The following LYPLAL1 variants were observed in gnomAD, a reference collection of about 807,000 sequenced individuals.
LYPLAL1 encodes lysophospholipase like 1, also known as lysophospholipase-like protein 1.
LYPLAL1 carries 23 observed loss-of-function variants against 19.7 expected under a neutral mutation model. The observed-to-expected ratio is 1.17, with a 90% confidence interval of 0.84 to 1.65. The LOEUF (loss-of-function observed/expected upper bound fraction) is 1.65, where lower values mean the gene tolerates loss of function less well. LYPLAL1 is among the 40% of genes most tolerant of loss of function. The pLI, the probability that LYPLAL1 is intolerant of heterozygous loss-of-function variation, is 0.00. For synonymous variants in LYPLAL1, 119 were observed against 96.3 expected, an observed-to-expected ratio of 1.24 and a Z score of -1.38; for missense variants, 355 against 279.4, an observed-to-expected ratio of 1.27 and a Z score of -1.93.
the LYPLAL1 span, among the ~76,000 whole-genome samples, chr1:219,289,987 C>T: frequency 6.6e-6 from 1 of 152,126 alleles, no homozygotes; most frequent in Non-Finnish European, 1.5e-5. Flanking sequence ...TCCTCTAAAT[C>T]CAGATAACCT....
At chr1:219,279,449 T>C in the LYPLAL1 span, among the ~76,000 whole-genome samples, 7 of 152,178 alleles carry the variant, frequency 4.6e-5, no homozygotes, top group Non-Finnish European at 1.0e-4. Flanking sequence ...TGTAAGGACA[T>C]TGGATGAAAA....
the LYPLAL1 span, among the ~76,000 whole-genome samples, chr1:219,336,753 C>G: frequency 2.0e-5 from 3 of 151,952 alleles, no homozygotes; most frequent in Admixed American, 6.6e-5. Flanking sequence ...CTACCTATAA[C>G]CAATCAGCTT....
chr1:219,365,212 T>C, the LYPLAL1 span, among the ~76,000 whole-genome samples: 3 of 152,112 alleles, frequency 2.0e-5, no homozygotes, highest in Admixed American at 6.5e-5. Flanking sequence ...GAATCTTTTT[T>C]TTAAAGGATC....
the LYPLAL1 span, among the ~76,000 whole-genome samples, chr1:219,301,778 A>C: frequency 6.6e-6 from 1 of 152,120 alleles, no homozygotes; most frequent in African/African-American, 2.4e-5. Flanking sequence ...AGTTATTTTT[A>C]AATGTACATT....
At chr1:219,441,415 A>G in the LYPLAL1 span, among the ~76,000 whole-genome samples, 6 of 152,302 alleles carry the variant, frequency 3.9e-5, no homozygotes, top group Admixed American at 1.3e-4. Context: ...AATCCAGGTA[A>G]TTGTGGAAAT....
At chr1:219,246,116 A>G in the LYPLAL1 span, among the ~76,000 whole-genome samples, 1 of 152,042 alleles carries the variant, frequency 6.6e-6, no homozygotes, top group Admixed American at 6.6e-5. Flanking sequence ...TCACATAGCA[A>G]TCCTGGTTTT....
chr1:219,206,839 A>G (rs1191707167), intron 3 of LYPLAL1, among the ~76,000 whole-genome samples: 1 of 151,722 alleles, frequency 6.6e-6, no homozygotes, highest in East Asian at 1.9e-4. Context: ...TTTTCTTGAT[A>G]GTTATGCTTT....
the LYPLAL1 span, among the ~76,000 whole-genome samples, chr1:219,248,734 A>G: frequency 1.3e-4 from 20 of 152,258 alleles, no homozygotes; most frequent in African/African-American, 4.6e-4. Context: ...TAGTAAAAAT[A>G]AATAGCTTAC....
At chr1:219,420,686 T>C in the LYPLAL1 span, among the ~76,000 whole-genome samples, 1 of 152,186 alleles carries the variant, frequency 6.6e-6, no homozygotes, top group African/African-American at 2.4e-5. Flanking sequence ...ATAAAATTGC[T>C]GACCACCTGC....
the LYPLAL1 span, among the ~76,000 whole-genome samples, chr1:219,356,273 G>A: frequency 6.6e-6 from 1 of 152,116 alleles, no homozygotes; most frequent in Admixed American, 6.5e-5. Context: ...AGGCCGAGGT[G>A]GGCGGATCAT....
At chr1:219,435,734 G>A in the LYPLAL1 span, among the ~76,000 whole-genome samples, 23 of 151,982 alleles carry the variant, frequency 1.5e-4, no homozygotes, top group Non-Finnish European at 2.4e-4. Flanking sequence ...GCTGAGGCAG[G>A]AGAATCACTT....
intron 1 of LYPLAL1, among the ~76,000 whole-genome samples, chr1:219,178,291 A>AT (rs1345263308): frequency 1.3e-5 from 2 of 152,080 alleles, no homozygotes; most frequent in African/African-American, 2.4e-5. Flanking sequence ...TATTTGTGTG[A>AT]TTTTTTGACT....
At chr1:219,174,986 A>G in intron 1 of LYPLAL1, 1 of 985,486 alleles carries the variant, frequency 1.0e-6, no homozygotes, top group South Asian at 4.7e-5. Context: ...AGCTTGTCAG[A>G]CTTTTCGAAG....
At chr1:219,333,968 G>A in the LYPLAL1 span, among the ~76,000 whole-genome samples, 1 of 151,850 alleles carries the variant, frequency 6.6e-6, no homozygotes, top group South Asian at 2.1e-4. Flanking sequence ...ATTGACATAG[G>A]GCAATGTCTC....
chr1:219,233,975 A>G, the LYPLAL1 span, among the ~76,000 whole-genome samples: 1 of 152,156 alleles, frequency 6.6e-6, no homozygotes, highest in African/African-American at 2.4e-5. Flanking sequence ...TGTATGGGTG[A>G]TGGGGCAGAG....
rs545185290 is a variant in LYPLAL1 at position 219,179,217 on chromosome 1, A to G, written c.162A>G (p.Ile54Met). Residue 54 changes from isoleucine to methionine, a missense_variant, in exon 2 of 5, where the codon ATA (isoleucine) becomes ATG (methionine). By Grantham distance (10) the Ile-to-Met change is conservative. Transcript: ENST00000366928. ...VLNQDLTFQH[I>M]KIIYPTAPPR... is the part of the protein sequence containing the mutation. ...ATCAAGATTTAACATTCCAACACAT[A>G]AAAATTATTTATCCAACAGCTCCTC... is the stretch of plus-strand genomic sequence containing the variant. 66 of 1,612,182 alleles carry G rather than the reference A, an allele frequency of 4.1e-5. No homozygotes were observed. In the South Asian group the frequency reaches 6.3e-4, roughly 15 times the overall value.
downstream of LYPLAL1, among the ~76,000 whole-genome samples, chr1:219,213,331 T>G (rs1352156112): frequency 6.6e-6 from 1 of 151,990 alleles, no homozygotes; most frequent in Non-Finnish European, 1.5e-5. Flanking sequence ...TATAACTGTA[T>G]AAGTCTTGAA....
the LYPLAL1 span, among the ~76,000 whole-genome samples, chr1:219,307,019 C>CATACATATATATATATAT: frequency 1.6e-3 from 155 of 98,346 alleles, no homozygotes; most frequent in African/African-American, 5.0e-3. Context: ...TATATATACA[C>CATACATATATATATATAT]ATACATATAT....
rs1371457312 is a variant in LYPLAL1 at position 219,174,206 on chromosome 1, C to T, written c.91+225C>T. ...CGGGCGGTCACTGGTCCACCACCCT[C>T]GCTTTGGGGCCTTGTGTCCCGCCGC... On this transcript the variant is annotated intron_variant, in intron 1 of 4. Transcript: ENST00000366928. 2.8e-6 allele frequency: 4 copies of T among 1,405,142 alleles called. No homozygotes were observed. In the Admixed American group the frequency reaches 1.2e-4, roughly 41 times the overall value. 87.0% of individuals were successfully genotyped at this position (1,405,142 alleles called of 1,614,324 possible).
Sources: gnomAD v4.1 joint callset for allele counts (sites outside exome capture counted in the v4.1 genomes callset) on GRCh38, gnomAD v4.1.1 for gene constraint, MANE v1.5 for transcripts, NCBI Gene and HGNC (gene_info 2026-07-23, HGNC 2026-07-21) for gene names.